The following ZNF829 variants were observed in gnomAD, a reference collection of about 807,000 sequenced individuals.
ZNF829 encodes the protein zinc finger protein 829.
ZNF829 carries 25 observed loss-of-function variants against 35.2 expected under a neutral mutation model. The observed-to-expected ratio is 0.71, with a 90% CI of 0.52 to 0.99. The LOEUF (loss-of-function observed/expected upper bound fraction) is 0.99, where lower values mean the gene tolerates loss of function less well. Among genes scored for constraint, ZNF829 ranks in the 50% least tolerant of loss-of-function variants. The pLI, the probability that ZNF829 is intolerant of heterozygous loss-of-function variation, is 0.00. For synonymous variants in ZNF829, 136 were observed against 163.2 expected (o/e 0.83, Z 1.27); for missense variants, 417 against 515.3 (o/e 0.81, Z 1.85).
At chr19:36,903,229 T>A (rs1211425338) in intron 5 of ZNF829, among the ~76,000 whole-genome samples, 5 of 152,240 alleles carry the variant, frequency 3.3e-5, no homozygotes, top group Non-Finnish European at 7.3e-5. Context: ...AGAATAGTTT[T>A]AACAAATATG....
chr19:36,892,713 C>G, intron 5 of ZNF829: 1 of 584,194 alleles, frequency 1.7e-6, no homozygotes, highest in Non-Finnish European at 2.9e-6. Context: ...TGGTCTGAAC[C>G]AGAGTCACCT....
At position 36,915,369 on chromosome 19, in the gene ZNF829, C is replaced by T. The variant is rs1016194581; in HGVS notation, c.-84-118G>A. On this transcript the variant is annotated intron_variant, in intron 1 of 5. Transcript: ENST00000391711. ...TAAGGCGACATGCACGTCTCACCTGCCCACAAGGAGCCACACACGGCAACA... is the reference window on the plus strand; with the variant it reads ...TAAGGCGACATGCACGTCTCACCTGTCCACAAGGAGCCACACACGGCAACA... The T allele has an allele frequency of 1.5e-5, 19 of 1,270,092 alleles. No homozygotes were observed. The South Asian group carries it at 2.8e-4, about 18-fold the overall frequency. The allele number at this position is 1,270,092 out of a possible 1,614,324, so 78.7% of individuals were successfully genotyped here. A position where few individuals can be genotyped will look rare whatever the true frequency, so the allele number is the denominator to read the frequency against.
Position 36,916,055 on chromosome 19 carries a change from T to G in ZNF829, c.-129A>C. 1.1e-6 allele frequency: 1 copy of G among 930,740 alleles called. No individual in the cohort carries two copies. Among genetic ancestry groups the G allele is most frequent in the Non-Finnish European group, 1.5e-6 (1 of 648,266 alleles). The allele number at this position is 930,740 out of a possible 1,614,324, so 57.7% of individuals were successfully genotyped here. On this transcript the variant is annotated 5_prime_UTR_variant, in exon 1 of 6. Coordinates refer to ENST00000391711, the MANE Select transcript of ZNF829 (RefSeq NM_001037232.4). This position sits in a 1 kb window ranked among gnomAD's most constrained non-coding sequence, Gnocchi z 5.3. ...CGCCAGGAGTGACGAAACGTTCGAA[T>G]TCCTGCGAGAAAAGTGGCAGGCCAC...
chr19:36,895,486 A>G (rs1358259159), intron 5 of ZNF829, among the ~76,000 whole-genome samples: 1 of 152,236 alleles, frequency 6.6e-6, no homozygotes, highest in Non-Finnish European at 1.5e-5. Flanking sequence ...ATAAAAAATT[A>G]ACAGATTAGG....
At chr19:36,898,111 A>G (rs112352383) in intron 5 of ZNF829, among the ~76,000 whole-genome samples, 4,256 of 152,230 alleles carry the variant, frequency 0.028, 121 homozygotes, top group African/African-American at 0.074. Flanking sequence ...AGCTGCAGAG[A>G]GCTGAGATCA....
intron 5 of ZNF829, among the ~76,000 whole-genome samples, chr19:36,897,006 G>C (rs2146231986): frequency 6.6e-6 from 1 of 152,220 alleles, no homozygotes; most frequent in South Asian, 2.1e-4. Context: ...GAACCAGGAA[G>C]AAACAGAGCA....
At chr19:36,893,258 G>A (rs2073079408) in intron 5 of ZNF829, among the ~76,000 whole-genome samples, 1 of 152,180 alleles carries the variant, frequency 6.6e-6, no homozygotes, top group African/African-American at 2.4e-5. Context: ...TGTGCATACA[G>A]CATGATATGG....
chr19:36,909,659 T>G (rs1244153537), intron 3 of ZNF829, among the ~76,000 whole-genome samples: 2 of 151,682 alleles, frequency 1.3e-5, no homozygotes, highest in East Asian at 3.9e-4. Flanking sequence ...ATACAAAAAT[T>G]AGCTGGGCGT....
intron 5 of ZNF829, 88 bp from the exon 6 acceptor site, chr19:36,892,559 G>T: frequency 7.6e-7 from 1 of 1,322,520 alleles, no homozygotes; most frequent in Non-Finnish European, 1.0e-6. Flanking sequence ...AAACTGAAAA[G>T]AATATCTGAG....
intron 5 of ZNF829, chr19:36,907,087 C>CAAAAAAAAAAAAAAAAAAA (rs1158970593): frequency 4.2e-5 from 1 of 23,722 alleles, no homozygotes; most frequent in African/African-American, 1.7e-4. Flanking sequence ...GACTCCATCT[C>CAAAAAAAAAAAAAAAAAAA]AAAAAAAAAA....
At chr19:36,901,722 T>A in intron 5 of ZNF829, 1 of 454,956 alleles carries the variant, frequency 2.2e-6, no homozygotes, top group Non-Finnish European at 4.0e-6. Flanking sequence ...AACAAGTCTT[T>A]CCAACTTGGA....
intron 5 of ZNF829, among the ~76,000 whole-genome samples, chr19:36,897,106 T>C (rs1169750145): frequency 6.6e-6 from 1 of 152,186 alleles, no homozygotes; most frequent in Non-Finnish European, 1.5e-5. Flanking sequence ...TAAAGGGCTT[T>C]ACTGCTGAAT....
Position 36,891,669 on chromosome 19 carries a change from A to G in ZNF829, c.1122T>C (p.His374=). 6.2e-7 allele frequency: 1 copy of G among 1,613,554 alleles called. No individual in the cohort carries two copies. Among genetic ancestry groups the G allele is most frequent in the Non-Finnish European group, 8.5e-7 (1 of 1,179,878 alleles). The change falls in exon 6 of 6, where the codon CAT becomes CAC. Residue 374 remains histidine (H), a synonymous_variant. Coordinates refer to ENST00000391711, the MANE Select transcript of ZNF829 (RefSeq NM_001037232.4). ...SSELIQHQRI[H]TDEKPYECNE... ...TACATTCATATGGTTTTTCATCTGT[A>G]TGGATTCTCTGATGTTGAATAAGTT...
intron 1 of ZNF829, among the ~76,000 whole-genome samples, chr19:36,915,618 G>A (rs1334179136): frequency 6.6e-6 from 1 of 151,826 alleles, no homozygotes; most frequent in Non-Finnish European, 1.5e-5. Context: ...GGTGGGGTGG[G>A]GACAGAGTCT....
rs1235416650 is a variant in ZNF829 at position 36,891,564 on chromosome 19, G to C, written c.1227C>G (p.Asp409Glu). ...CAAAAGCCTTTCCACATTCCTTACA[G>C]TCATAGGGTTTCTCACCAGTGTGAA... The part of the protein sequence containing the change: ...QRIHTGEKPY[D>E]CKECGKAFGS... Residue 409 changes from aspartate (D) to glutamate (E), a missense_variant, in exon 6 of 6, where the codon GAC becomes GAG. By Grantham distance (45) the Asp-to-Glu change is conservative (BLOSUM62 2). Transcript: ENST00000391711. The C allele has an allele frequency of 6.2e-7, 1 of 1,612,248 alleles. No individual in the cohort carries two copies. Among genetic ancestry groups the C allele is most frequent in the Non-Finnish European group, 8.5e-7 (1 of 1,179,186 alleles).
intron 5 of ZNF829, chr19:36,892,895 A>C: frequency 8.6e-7 from 1 of 1,157,072 alleles, no homozygotes; most frequent in Non-Finnish European, 1.1e-6. Flanking sequence ...CTGCAAGGCC[A>C]TCAGCATGCC....
intron 5 of ZNF829, among the ~76,000 whole-genome samples, chr19:36,903,910 CA>C (rs2073194021): frequency 6.6e-6 from 1 of 151,800 alleles, no homozygotes; most frequent in Admixed American, 6.6e-5. Flanking sequence ...CCAATTGTTC[CA>C]AAATGTAAAA....
intron 5 of ZNF829, chr19:36,892,821 C>A: frequency 1.2e-6 from 1 of 820,874 alleles, no homozygotes; most frequent in East Asian, 3.3e-5. Flanking sequence ...ACCCCAGATC[C>A]CCCACAGGCG....
chr19:36,892,589 G>T, intron 5 of ZNF829, 118 bp from the exon 6 acceptor site: 1 of 1,081,566 alleles, frequency 9.2e-7, no homozygotes. Context: ...AGTTTTCAAA[G>T]GTGGAGAGGC....
Sources: gnomAD v4.1 joint callset for allele counts (sites outside exome capture counted in the v4.1 genomes callset) on GRCh38, gnomAD v4.1.1 for gene constraint, Gnocchi (gnomAD v3.1) non-coding constraint, MANE v1.5 for transcripts, NCBI Gene and HGNC (gene_info 2026-07-23, HGNC 2026-07-21) for gene names.